Variants in NR3C2 observed in about 807,000 individuals in gnomAD.
The protein encoded by NR3C2 is nuclear receptor subfamily 3 group C member 2, also known as mineralocorticoid receptor.
A neutral mutation model predicts 86.4 loss-of-function variants in NR3C2; 15 were observed. The ratio of observed to expected loss-of-function variants is 0.17; its 90% CI spans 0.12 to 0.27. The LOEUF (loss-of-function observed/expected upper bound fraction) is 0.27, where lower values mean the gene tolerates loss of function less well. Ranked by LOEUF, NR3C2 falls within the 10% of genes least tolerant of loss-of-function variation. The probability of loss-of-function intolerance (pLI) is 1.00; values close to 1 mark genes in which losing one functional copy is unlikely to be tolerated. For synonymous variants in NR3C2, 458 were observed against 450.5 expected, an observed-to-expected ratio of 1.02 and a Z score of -0.21; for missense variants, 960 against 1,195.6, an observed-to-expected ratio of 0.80 and a Z score of 2.91.
intron 3 of NR3C2, among the ~76,000 whole-genome samples, chr4:148,205,472 A>G (rs1383911600): frequency 6.6e-6 from 1 of 152,154 alleles, no homozygotes; most frequent in Non-Finnish European, 1.5e-5. Flanking sequence ...ATCCTTCCAG[A>G]GGTTTTTCTA....
At chr4:148,188,852 T>A (rs918831699) in intron 4 of NR3C2, among the ~76,000 whole-genome samples, 11 of 152,056 alleles carry the variant, frequency 7.2e-5, no homozygotes, top group African/African-American at 2.4e-4. Context: ...CGATTCAGTA[T>A]CATGTTGGCT....
At chr4:148,099,160 C>T (rs533901147) in intron 8 of NR3C2, among the ~76,000 whole-genome samples, 3 of 152,320 alleles carry the variant, frequency 2.0e-5, no homozygotes, top group South Asian at 2.1e-4. Flanking sequence ...GGCCAGGCTG[C>T]GTAACTGCGT....
At chr4:148,392,997 T>C (rs989801368) in intron 2 of NR3C2, among the ~76,000 whole-genome samples, 5 of 152,208 alleles carry the variant, frequency 3.3e-5, no homozygotes, top group African/African-American at 9.6e-5. Context: ...AAATGTATTG[T>C]TTCCATACAA....
intron 6 of NR3C2, among the ~76,000 whole-genome samples, chr4:148,138,324 G>A (rs1733447704): frequency 6.6e-6 from 1 of 152,292 alleles, no homozygotes; most frequent in African/African-American, 2.4e-5. Flanking sequence ...CAAAGTTCCA[G>A]TTTTTCTAAG....
chr4:148,148,785 T>C (rs1325033953), intron 6 of NR3C2, among the ~76,000 whole-genome samples: 1 of 152,246 alleles, frequency 6.6e-6, no homozygotes, highest in African/African-American at 2.4e-5. Context: ...AATTATATTT[T>C]ACTTATAAAA....
chr4:148,132,350 T>C (rs1474324390), intron 6 of NR3C2, among the ~76,000 whole-genome samples: 1 of 152,218 alleles, frequency 6.6e-6, no homozygotes, highest in Non-Finnish European at 1.5e-5. Flanking sequence ...TTGTATCATG[T>C]GAGGCACATC....
chr4:148,257,053 C>T (rs1739867616), intron 3 of NR3C2, among the ~76,000 whole-genome samples: 1 of 152,144 alleles, frequency 6.6e-6, no homozygotes, highest in African/African-American at 2.4e-5. Context: ...TTCCTCTTGT[C>T]TGCTCTCTAG....
intron 2 of NR3C2, among the ~76,000 whole-genome samples, chr4:148,285,712 A>G (rs1741487380): frequency 6.6e-6 from 1 of 152,060 alleles, no homozygotes; most frequent in Admixed American, 6.6e-5. Context: ...TCTCAAAAAA[A>G]ACAAAAACAA....
At chr4:148,213,693 T>C (rs1192195185) in intron 3 of NR3C2, among the ~76,000 whole-genome samples, 1 of 152,224 alleles carries the variant, frequency 6.6e-6, no homozygotes, top group African/African-American at 2.4e-5. Context: ...GAATTCTGAT[T>C]AAAGTTAAAA....
chr4:148,136,059 A>AAAC lies in NR3C2; in HGVS notation c.2511-15772_2511-15771insGTT, dbSNP rs1450649665. ...GCGACAGAGCGAGACTCCGTCTCAAAAAAAAAAAAAAAAAAAACAAAAAAA... is the reference window on the plus strand; with the variant it reads ...GCGACAGAGCGAGACTCCGTCTCAAAAACAAAAAAAAAAAAAAAAACAAAAAAA... On this transcript the variant is annotated intron_variant, in intron 6 of 8. Transcript: ENST00000358102. Among the ~76,000 whole-genome samples the AAAC allele has an allele frequency of 2.5e-3, 141 of 57,214 alleles. 4 individuals are homozygous for AAAC. Among genetic ancestry groups the AAAC allele is most frequent in the Admixed American group, 1.4e-3 (7 of 5,058 alleles). 37.5% of individuals were successfully genotyped at this position (57,214 alleles called of 152,430 possible). A position where few individuals can be genotyped will look rare whatever the true frequency, so the allele number is the denominator to read the frequency against.
chr4:148,283,029 A>T (rs1741326927), intron 2 of NR3C2, among the ~76,000 whole-genome samples: 1 of 152,202 alleles, frequency 6.6e-6, no homozygotes, highest in South Asian at 2.1e-4. Context: ...GAAAAATCAC[A>T]TACAGCAAAA....
chr4:148,262,419 A>G (rs1561006814), intron 2 of NR3C2, among the ~76,000 whole-genome samples: 1 of 152,022 alleles, frequency 6.6e-6, no homozygotes, highest in African/African-American at 2.4e-5. Flanking sequence ...TTTCAGACCC[A>G]TTTATTCAAC....
intron 2 of NR3C2, among the ~76,000 whole-genome samples, chr4:148,316,322 G>C (rs1223515515): frequency 6.6e-6 from 1 of 152,070 alleles, no homozygotes; most frequent in Admixed American, 6.6e-5. Flanking sequence ...GCACTGTATA[G>C]TTATGTATAA....
intron 8 of NR3C2, among the ~76,000 whole-genome samples, chr4:148,102,769 A>G (rs1201824026): frequency 6.6e-6 from 1 of 152,166 alleles, no homozygotes; most frequent in African/African-American, 2.4e-5. Flanking sequence ...GTCATTATAA[A>G]CAGAATGGTG....
intron 2 of NR3C2, among the ~76,000 whole-genome samples, chr4:148,328,073 C>A (rs138096324): frequency 3.9e-5 from 6 of 152,274 alleles, no homozygotes; most frequent in South Asian, 2.1e-4. Context: ...ACTTCAACAC[C>A]GGCTTGCTGC....
intron 6 of NR3C2, among the ~76,000 whole-genome samples, chr4:148,136,431 A>G (rs1457366773): frequency 6.6e-6 from 1 of 152,028 alleles, no homozygotes; most frequent in Non-Finnish European, 1.5e-5. Context: ...CTGAAGCTTA[A>G]GCCTGCAGTT....
chr4:148,430,480 G>A (rs1161786425), intron 2 of NR3C2, among the ~76,000 whole-genome samples: 9 of 151,854 alleles, frequency 5.9e-5, no homozygotes, highest in African/African-American at 2.2e-4. Context: ...AATATCAGGA[G>A]AAACAACTCT....
chr4:148,285,515 T>A (rs769582078), intron 2 of NR3C2, among the ~76,000 whole-genome samples: 19 of 152,190 alleles, frequency 1.2e-4, no homozygotes, highest in Non-Finnish European at 2.2e-4. Flanking sequence ...GAGATCATCC[T>A]GGCCAACATG....
chr4:148,163,569 T>C (rs1352906378), intron 4 of NR3C2, among the ~76,000 whole-genome samples: 2 of 152,150 alleles, frequency 1.3e-5, no homozygotes, highest in Non-Finnish European at 2.9e-5. Context: ...ACGTCCTCTG[T>C]GCTCTCTTCT....
Sources: allele counts gnomAD v4.1 joint callset (sites outside exome capture counted in the v4.1 genomes callset), GRCh38; gene constraint gnomAD v4.1.1; transcripts MANE v1.5; gene names NCBI Gene and HGNC (gene_info 2026-07-23, HGNC 2026-07-21).